CLPB: variants seen among roughly 807,000 people sequenced by gnomAD.
CLPB encodes mitochondrial disaggregase.
A neutral mutation model predicts 78.4 loss-of-function variants in CLPB; 40 were observed. The observed-to-expected ratio is 0.51, with a 90% CI of 0.40 to 0.66. The LOEUF is 0.66. CLPB is among the 30% of genes least tolerant of loss of function. The pLI is 0.00. For synonymous variants in CLPB, 333 were observed against 348.0 expected, an observed-to-expected ratio of 0.96 and a Z score of 0.48; for missense variants, 780 against 886.9, an observed-to-expected ratio of 0.88 and a Z score of 1.53.
At chr11:72,299,508 C>T (rs767692175) in intron 11 of CLPB, among the ~76,000 whole-genome samples, 2 of 152,068 alleles carry the variant, frequency 1.3e-5, no homozygotes, top group Non-Finnish European at 1.5e-5. Context: ...GCTGCAGTTC[C>T]CTGAGCATGC....
chr11:72,365,681 A>G (rs1321576901), intron 4 of CLPB, among the ~76,000 whole-genome samples: 1 of 152,248 alleles, frequency 6.6e-6, no homozygotes, highest in Non-Finnish European at 1.5e-5. Context: ...ATAGTGATCA[A>G]AACAGCATGG....
rs1244306122 is a variant in CLPB at position 72,293,300 on chromosome 11, G to A, written c.*67C>T. 5 of 1,568,380 alleles carry A rather than the reference G, an allele frequency of 3.2e-6. No homozygotes were observed. The highest frequency in any genetic ancestry group is 3.5e-6 in the Non-Finnish European group (4 of 1,151,592). ...AGCGGCATGAGGGGAAGGTAAGTCA[G>A]TTGCCATGCCACAGCCAAGGGGCCT... On this transcript the variant is annotated 3_prime_UTR_variant, in exon 16 of 16. Transcript: ENST00000538039.
chr11:72,421,722 C>T (rs547131854), intron 2 of CLPB, among the ~76,000 whole-genome samples: 9 of 152,300 alleles, frequency 5.9e-5, no homozygotes, highest in Admixed American at 3.9e-4. Flanking sequence ...GGCTTCTGGG[C>T]AGTTGACCAC....
intron 5 of CLPB, among the ~76,000 whole-genome samples, chr11:72,332,135 T>A (rs1950237859): frequency 6.6e-6 from 1 of 152,048 alleles, no homozygotes; most frequent in African/African-American, 2.4e-5. Context: ...TTGATAAATA[T>A]ATTTTTTTTT....
At chr11:72,406,768 C>T (rs1855721681) in intron 2 of CLPB, among the ~76,000 whole-genome samples, 1 of 152,234 alleles carries the variant, frequency 6.6e-6, no homozygotes, top group Non-Finnish European at 1.5e-5. Flanking sequence ...CTGTGCCCAG[C>T]CTCTTGCTGG....
chr11:72,307,899 A>G (rs981469828), intron 8 of CLPB, among the ~76,000 whole-genome samples: 1 of 152,138 alleles, frequency 6.6e-6, no homozygotes, highest in East Asian at 1.9e-4. Context: ...GCCCATGAAG[A>G]TGCTGGGAGG....
At chr11:72,316,271 C>A (rs1197562003) in intron 7 of CLPB, among the ~76,000 whole-genome samples, 1 of 152,160 alleles carries the variant, frequency 6.6e-6, no homozygotes, top group African/African-American at 2.4e-5. Flanking sequence ...AGCCTGAGAT[C>A]TGATTTTTAA....
chr11:72,414,769 A>G (rs1855973217), intron 2 of CLPB, among the ~76,000 whole-genome samples: 1 of 152,242 alleles, frequency 6.6e-6, no homozygotes, highest in African/African-American at 2.4e-5. Flanking sequence ...CTCAGGGAGC[A>G]CAACTCACCG....
chr11:72,383,029 A>T, intron 3 of CLPB, among the ~76,000 whole-genome samples: 1 of 151,844 alleles, frequency 6.6e-6, no homozygotes, highest in East Asian at 1.9e-4. Flanking sequence ...TTTAAAAAAC[A>T]TCAAAAGAAA....
At chr11:72,394,511 A>G (rs1855345875) in intron 3 of CLPB, among the ~76,000 whole-genome samples, 1 of 152,166 alleles carries the variant, frequency 6.6e-6, no homozygotes, top group Admixed American at 6.5e-5. Flanking sequence ...GACAGAACAG[A>G]GCATTGGGCC....
At chr11:72,328,102 G>A (rs1265234285) in intron 6 of CLPB, among the ~76,000 whole-genome samples, 1 of 152,100 alleles carries the variant, frequency 6.6e-6, no homozygotes, top group Non-Finnish European at 1.5e-5. Context: ...ATTAGTTCTG[G>A]CCAATGAATA....
intron 5 of CLPB, among the ~76,000 whole-genome samples, chr11:72,351,120 T>G (rs117939125): frequency 0.029 from 4,408 of 151,980 alleles, 110 homozygotes; most frequent in Non-Finnish European, 0.04. Context: ...AGGAAAAAAG[T>G]GATGTTAGAG....
At chr11:72,408,666 C>CAAAAAAAAAAA (rs576990524) in intron 2 of CLPB, among the ~76,000 whole-genome samples, 1 of 64,242 alleles carries the variant, frequency 1.6e-5, no homozygotes, top group Non-Finnish European at 3.6e-5. Flanking sequence ...GACTCTGTCT[C>CAAAAAAAAAAA]AAAAAAAAAA....
intron 9 of CLPB, 67 bp from the exon 10 acceptor site, chr11:72,302,415 G>A: frequency 7.3e-7 from 1 of 1,379,162 alleles, no homozygotes; most frequent in African/African-American, 1.4e-5. Context: ...GGTTAGGGAG[G>A]AGAGCACCTC....
intron 4 of CLPB, among the ~76,000 whole-genome samples, chr11:72,366,821 G>A (rs894818910): frequency 6.6e-6 from 1 of 152,148 alleles, no homozygotes; most frequent in African/African-American, 2.4e-5. Context: ...GCTGTTTGGA[G>A]ATTTCTCAGA....
chr11:72,380,770 T>C (rs56069867), intron 3 of CLPB, among the ~76,000 whole-genome samples: 3,955 of 152,284 alleles, frequency 0.026, 170 homozygotes, highest in African/African-American at 0.091. Context: ...AATTATAAAA[T>C]ACAAACTGTT....
chr11:72,291,767 G>C lies in CLPB; in HGVS notation c.*1600C>G, dbSNP rs1362128896. On this transcript the variant is annotated 3_prime_UTR_variant, in exon 16 of 16. Coordinates refer to ENST00000538039, the MANE Select transcript of CLPB (RefSeq NM_001258392.3). ...GTAAAAAACAATGAAAAGCAGGCCG[G>C]GTCCAGTGGCTCATGCCTGTAATCC... is the stretch of plus-strand genomic sequence containing the variant. 1.3e-5 allele frequency: 2 copies of C among 151,752 alleles called. No homozygotes were observed. Among genetic ancestry groups the C allele is most frequent in the East Asian group, 3.9e-4 (2 of 5,134 alleles). 9.4% of individuals were successfully genotyped at this position (151,752 alleles called of 1,614,324 possible). A position where few individuals can be genotyped will look rare whatever the true frequency, so the allele number is the denominator to read the frequency against.
At chr11:72,364,337 A>G (rs1950900057) in intron 4 of CLPB, among the ~76,000 whole-genome samples, 1 of 151,826 alleles carries the variant, frequency 6.6e-6, no homozygotes, top group Non-Finnish European at 1.5e-5. Context: ...CCTCCCGAGT[A>G]GCTGGGATTA....
chr11:72,322,280 T>A (rs755970688), intron 6 of CLPB, among the ~76,000 whole-genome samples: 1 of 152,048 alleles, frequency 6.6e-6, no homozygotes, highest in South Asian at 2.1e-4. Context: ...ATTTTAAACA[T>A]GTAAATCTGA....
Sources: gnomAD v4.1 joint callset for allele counts (sites outside exome capture counted in the v4.1 genomes callset) on GRCh38, gnomAD v4.1.1 for gene constraint, MANE v1.5 for transcripts, NCBI Gene and HGNC (gene_info 2026-07-23, HGNC 2026-07-21) for gene names.